Variants in ZBTB44 observed in about 807,000 individuals in gnomAD.
ZBTB44 encodes zinc finger and BTB domain-containing protein 44.
ZBTB44 carries 15 observed loss-of-function variants against 54.0 expected under a neutral mutation model. That is an observed-to-expected ratio of 0.28 (90% CI 0.19 to 0.43). The LOEUF is 0.43. ZBTB44 is among the 20% of genes least tolerant of loss of function. The pLI, the probability that ZBTB44 is intolerant of heterozygous loss-of-function variation, is 1.00. For synonymous variants in ZBTB44, 230 were observed against 250.1 expected, an observed-to-expected ratio of 0.92 and a Z score of 0.76; for missense variants, 487 against 707.1, an observed-to-expected ratio of 0.69 and a Z score of 3.53.
At chr11:130,233,015 G>GAAA in intron 7 of ZBTB44, 1 of 238,648 alleles carries the variant, frequency 4.2e-6, no homozygotes, top group Non-Finnish European at 7.7e-6. Context: ...TAAAAAAAAA[G>GAAA]AAAAAAAAAA....
intron 5 of ZBTB44, among the ~76,000 whole-genome samples, chr11:130,235,039 G>C (rs1028504007): frequency 6.6e-6 from 1 of 152,188 alleles, no homozygotes; most frequent in African/African-American, 2.4e-5. Context: ...TTTGGTAATT[G>C]AAACTAAGTA....
intron 4 of ZBTB44, among the ~76,000 whole-genome samples, chr11:130,237,523 G>A (rs552843328): frequency 7.9e-5 from 12 of 152,234 alleles, no homozygotes; most frequent in Non-Finnish European, 1.5e-4. Flanking sequence ...ACAGAGAAAC[G>A]AGAAGAAAGA....
intron 2 of ZBTB44, among the ~76,000 whole-genome samples, chr11:130,255,909 A>C (rs904038184): frequency 3.3e-5 from 5 of 150,334 alleles, no homozygotes; most frequent in South Asian, 2.1e-4. Flanking sequence ...AAAAAAAAAA[A>C]AAAAAAAAAA....
At chr11:130,282,294 T>G (rs149829500) in intron 1 of ZBTB44, among the ~76,000 whole-genome samples, 1 of 152,198 alleles carries the variant, frequency 6.6e-6, no homozygotes, top group Non-Finnish European at 1.5e-5. Flanking sequence ...CATTAAACAA[T>G]AGCTCCCCAT....
intron 2 of ZBTB44, among the ~76,000 whole-genome samples, chr11:130,254,598 G>C (rs994596679): frequency 5.3e-5 from 8 of 152,276 alleles, no homozygotes; most frequent in Non-Finnish European, 7.3e-5. Flanking sequence ...AGGATGTGGA[G>C]AAATAGGAAC....
chr11:130,248,080 C>T (rs1337695782), intron 2 of ZBTB44, among the ~76,000 whole-genome samples: 1 of 152,134 alleles, frequency 6.6e-6, no homozygotes, highest in Non-Finnish European at 1.5e-5. Context: ...GAAAATAATA[C>T]ACTAAACATT....
intron 4 of ZBTB44, among the ~76,000 whole-genome samples, chr11:130,237,699 A>C (rs892295372): frequency 1.2e-4 from 19 of 152,206 alleles, no homozygotes; most frequent in Admixed American, 4.6e-4. Context: ...AAAAATTTTA[A>C]AACCTTTCAA....
rs565542922 is a variant in ZBTB44, at chr11:130,304,632, T to A, written c.-57+9743A>T. On this transcript the variant is annotated intron_variant, in intron 1 of 7. Transcript: ENST00000357899. ...ATATTTTTCTCTTTTTTAAAAAAAA[T>A]ATTGATTTTTCCAGTGCTCTACATA... is the stretch of plus-strand genomic sequence containing the variant. Among the ~76,000 whole-genome samples, 6 of 152,038 alleles carry A rather than the reference T, an allele frequency of 3.9e-5. No homozygotes were observed. In the South Asian group the frequency reaches 8.3e-4, roughly 21 times the overall value.
intron 1 of ZBTB44, among the ~76,000 whole-genome samples, chr11:130,271,365 G>T (rs1361839854): frequency 1.3e-5 from 2 of 152,100 alleles, no homozygotes; most frequent in Non-Finnish European, 2.9e-5. Flanking sequence ...GGTCCTTAGA[G>T]AAATGGCTGA....
intron 1 of ZBTB44, chr11:130,296,028 G>T: frequency 6.3e-7 from 1 of 1,578,170 alleles, no homozygotes. Context: ...ATAAAAACCT[G>T]CAGTGTCTGG....
chr11:130,267,187 T>C (rs573623863), intron 1 of ZBTB44, among the ~76,000 whole-genome samples: 2 of 151,996 alleles, frequency 1.3e-5, no homozygotes, highest in South Asian at 2.1e-4. Flanking sequence ...CTGCATGAGC[T>C]TGGGAAGCAG....
chr11:130,295,931 C>T, intron 1 of ZBTB44: 2 of 1,522,512 alleles, frequency 1.3e-6, no homozygotes, highest in South Asian at 2.2e-5. Context: ...TCTGCTGAAG[C>T]ACAGAAACTT....
chr11:130,311,058 A>G lies in ZBTB44; in HGVS notation c.-57+3317T>C, dbSNP rs1942569975. ...AGTATTTCAAGTGACTTTTGAACAC[A>G]GTACTCATTATACATTCTTCATGCA... On this transcript the variant is annotated intron_variant, in intron 1 of 7. Transcript: ENST00000357899. 2.6e-5 allele frequency among the ~76,000 whole-genome samples: 4 copies of G among 152,270 alleles called. 1 individual carries two copies. Among genetic ancestry groups the G allele is most frequent in the South Asian group, 4.1e-4 (2 of 4,836 alleles).
At chr11:130,294,094 C>G (rs1199027667) in intron 1 of ZBTB44, among the ~76,000 whole-genome samples, 1 of 152,110 alleles carries the variant, frequency 6.6e-6, no homozygotes, top group African/African-American at 2.4e-5. Flanking sequence ...GACTCACAAA[C>G]TCTGGTAAAA....
chr11:130,255,079 CG>C (rs1431593989), intron 2 of ZBTB44, among the ~76,000 whole-genome samples: 5 of 82,398 alleles, frequency 6.1e-5, no homozygotes, highest in Non-Finnish European at 1.1e-4. Context: ...TGTTGTGGGG[CG>C]GGGGGAGGGG....
At chr11:130,295,733 TGGTAAAACCCTG>T in intron 1 of ZBTB44, 1 of 1,531,042 alleles carries the variant, frequency 6.5e-7, no homozygotes, top group African/African-American at 1.4e-5. Context: ...AAACAGGCAG[TGGTAAAACCCTG>T]GCTTTTCTCA....
chr11:130,255,079 C>T (rs1304131773), intron 2 of ZBTB44, among the ~76,000 whole-genome samples: 85 of 82,394 alleles, frequency 1.0e-3, no homozygotes, highest in Non-Finnish European at 9.8e-4. Flanking sequence ...TGTTGTGGGG[C>T]GGGGGGAGGG....
At chr11:130,245,209 C>T (rs1186136172) in intron 2 of ZBTB44, among the ~76,000 whole-genome samples, 1 of 152,086 alleles carries the variant, frequency 6.6e-6, no homozygotes, top group African/African-American at 2.4e-5. Flanking sequence ...TGTGTCTTTT[C>T]TTTTTCTTTC....
chr11:130,275,749 T>C (rs1238053424), intron 1 of ZBTB44, among the ~76,000 whole-genome samples: 1 of 152,048 alleles, frequency 6.6e-6, no homozygotes, highest in Non-Finnish European at 1.5e-5. Flanking sequence ...TGCCTCAGCC[T>C]CCCAAGTAGC....
Sources: gnomAD v4.1 joint callset for allele counts (sites outside exome capture counted in the v4.1 genomes callset) on GRCh38, gnomAD v4.1.1 for gene constraint, MANE v1.5 for transcripts, NCBI Gene and HGNC (gene_info 2026-07-23, HGNC 2026-07-21) for gene names.